Variants in YY1 observed in about 807,000 individuals in gnomAD.
YY1 encodes the protein transcriptional repressor protein YY1.
Under a neutral mutation model 35.6 loss-of-function variants are expected in YY1, and 2 were observed. The observed-to-expected ratio is 0.06, with a 90% CI of 0.02 to 0.18. The LOEUF is 0.18. Among genes scored for constraint, YY1 ranks in the 10% least tolerant of loss-of-function variants. The pLI, the probability that YY1 is intolerant of heterozygous loss-of-function variation, is 1.00. For missense variants in YY1, 322 were observed against 573.4 expected (o/e 0.56, Z 4.48); for synonymous variants, 268 against 238.9 (o/e 1.12, Z -1.12).
At chr14:100,261,334 A>G (rs978411377) in intron 1 of YY1, among the ~76,000 whole-genome samples, 3 of 151,950 alleles carry the variant, frequency 2.0e-5, no homozygotes, top group African/African-American at 7.3e-5. Flanking sequence ...TATTACAGGC[A>G]TGCACCACCA....
chr14:100,241,584 G>T (rs947842841), intron 1 of YY1, among the ~76,000 whole-genome samples: 1 of 152,190 alleles, frequency 6.6e-6, no homozygotes, highest in Non-Finnish European at 1.5e-5. Context: ...ATGTTTAAAT[G>T]AAACATGAAT....
intron 1 of YY1, among the ~76,000 whole-genome samples, chr14:100,253,965 G>A (rs1344193970): frequency 6.6e-6 from 1 of 152,034 alleles, no homozygotes; most frequent in Non-Finnish European, 1.5e-5. Context: ...CAGTAGCTGA[G>A]ATTACAGGTG....
intron 1 of YY1, 51 bp from the exon 2 acceptor site, chr14:100,262,253 G>T: frequency 6.2e-7 from 1 of 1,604,724 alleles, no homozygotes; most frequent in Non-Finnish European, 8.5e-7. Flanking sequence ...AGTTTTTGTA[G>T]TTTTTAAAAT....
chr14:100,262,162 C>T, intron 1 of YY1, 142 bp from the exon 2 acceptor site: 1 of 612,172 alleles, frequency 1.6e-6, no homozygotes, highest in South Asian at 2.8e-5. Context: ...GACCGTTCTC[C>T]AAAAAAAAAA....
At chr14:100,243,697 A>G (rs1890784738) in intron 1 of YY1, among the ~76,000 whole-genome samples, 1 of 151,854 alleles carries the variant, frequency 6.6e-6, no homozygotes, top group Admixed American at 6.6e-5. Context: ...ACTCTCAGCT[A>G]CTTGGTAGAT....
chr14:100,279,935 C>T lies in YY1; in HGVS notation c.*2335C>T, dbSNP rs1891389200. The stretch of plus-strand genomic sequence containing the variant: ...GGATGAAGTCCCTCTTCCTCTGTGC[C>T]TTGATCCCTTGGGGGTGCCTTTGGT... On this transcript the variant is annotated 3_prime_UTR_variant, in exon 5 of 5. Coordinates refer to ENST00000262238, the MANE Select transcript of YY1 (RefSeq NM_003403.5). 1 of 152,346 alleles carries T rather than the reference C, an allele frequency of 6.6e-6. No individual in the cohort carries two copies. Among genetic ancestry groups the T allele is most frequent in the African/African-American group, 2.4e-5 (1 of 41,458 alleles). The allele number at this position is 152,346 out of a possible 1,614,324, so 9.4% of individuals were successfully genotyped here. A position where few individuals can be genotyped will look rare whatever the true frequency, so the allele number is the denominator to read the frequency against.
intron 2 of YY1, among the ~76,000 whole-genome samples, chr14:100,273,770 T>A (rs748554030): frequency 6.6e-6 from 1 of 152,168 alleles, no homozygotes; most frequent in African/African-American, 2.4e-5. Flanking sequence ...ATTCTCTAGT[T>A]TTTTTAGGAA....
At chr14:100,249,524 C>T (rs1355144979) in intron 1 of YY1, among the ~76,000 whole-genome samples, 1 of 152,136 alleles carries the variant, frequency 6.6e-6, no homozygotes, top group African/African-American at 2.4e-5. Context: ...CAGGACCTGT[C>T]TTTTCAGGAG....
rs1279993078 is a variant in YY1 at position 100,276,389 on chromosome 14, G to A, written c.904-101G>A. Reference sequence around the variant, plus strand: ...AGTAAAATTAAAATGGGGGGTTGGGGAGGTGGTTTTGTTTTAATATGTCAG... The same window carrying A: ...AGTAAAATTAAAATGGGGGGTTGGGAAGGTGGTTTTGTTTTAATATGTCAG... On this transcript the variant is annotated intron_variant, in intron 3 of 4. Transcript: ENST00000262238. This position sits in a 1 kb window ranked among gnomAD's most constrained non-coding sequence, Gnocchi z 4.1. The A allele has an allele frequency of 6.6e-7, 1 of 1,503,906 alleles. No individual in the cohort carries two copies. Among genetic ancestry groups the A allele is most frequent in the East Asian group, 2.3e-5 (1 of 44,250 alleles). The allele number at this position is 1,503,906 out of a possible 1,614,324, so 93.2% of individuals were successfully genotyped here.
At chr14:100,270,022 C>T (rs183383801) in intron 2 of YY1, among the ~76,000 whole-genome samples, 3 of 151,184 alleles carry the variant, frequency 2.0e-5, no homozygotes, top group East Asian at 2.0e-4. Context: ...CAGCACTTTG[C>T]GAGGCTGAGG....
rs770801130 is a variant in YY1 at position 100,277,628 on chromosome 14, A to G, written c.*28A>G. 4.4e-6 allele frequency: 7 copies of G among 1,608,772 alleles called. No individual in the cohort carries two copies. Among genetic ancestry groups the G allele is most frequent in the Non-Finnish European group, 6.0e-6 (7 of 1,175,592 alleles). On this transcript the variant is annotated 3_prime_UTR_variant, in exon 5 of 5. Transcript: ENST00000262238. The surrounding 1 kb of genome is among the most constrained non-coding windows in gnomAD (Gnocchi z 5.6). Reference sequence around the variant, plus strand: ...AGAAGAGAGAAGACCCTTCTCGACCACGGGAAGCATCTTCCAGAAGTGTGA... The same window carrying G: ...AGAAGAGAGAAGACCCTTCTCGACCGCGGGAAGCATCTTCCAGAAGTGTGA...
intron 1 of YY1, among the ~76,000 whole-genome samples, chr14:100,245,813 G>T (rs1566769276): frequency 1.3e-5 from 2 of 151,856 alleles, no homozygotes; most frequent in African/African-American, 2.4e-5. Context: ...CTCCATGTTG[G>T]CCAGGCTGGT....
intron 1 of YY1, among the ~76,000 whole-genome samples, chr14:100,241,129 T>C (rs1890733947): frequency 6.6e-6 from 1 of 152,244 alleles, no homozygotes; most frequent in South Asian, 2.1e-4. Flanking sequence ...CCTATTAGTA[T>C]ATTCATATGC....
At chr14:100,273,187 A>G (rs1305146559) in intron 2 of YY1, among the ~76,000 whole-genome samples, 2 of 150,644 alleles carry the variant, frequency 1.3e-5, no homozygotes, top group Admixed American at 1.3e-4. Flanking sequence ...ATAGTGTCAA[A>G]CTCCTGGCCT....
At position 100,281,337 on chromosome 14, in the gene YY1, T is replaced by C. The variant is rs1891426721; in HGVS notation, c.*3737T>C. On this transcript the variant is annotated 3_prime_UTR_variant, in exon 5 of 5. Coordinates refer to ENST00000262238, the MANE Select transcript of YY1 (RefSeq NM_003403.5). The stretch of plus-strand genomic sequence containing the variant: ...GCCAAGCTGCTCACAGACACCCACT[T>C]GATGCCACAGCCATGCCATGAGGCT... 6.6e-6 allele frequency: 1 copy of C among 152,182 alleles called. No homozygotes were observed. The highest frequency in any genetic ancestry group is 1.5e-5 in the Non-Finnish European group (1 of 68,064). The allele number at this position is 152,182 out of a possible 1,614,324, so 9.4% of individuals were successfully genotyped here.
intron 1 of YY1, among the ~76,000 whole-genome samples, chr14:100,245,616 G>T (rs182889832): frequency 0.022 from 3,290 of 151,524 alleles, 58 homozygotes; most frequent in Non-Finnish European, 0.03. Context: ...GGTTTTTTGG[G>T]TTTTTTTTGA....
chr14:100,239,826 C>T lies in YY1; in HGVS notation c.582C>T (p.Gly194=), dbSNP rs878858541. ...SYLSGGAGAA[G]GGGADPGNKK... ...TCAGCGGCGGGGCCGGCGCGGCGGG[C>T]GGCGGCGGCGCCGACCCGGGCAACA... is the stretch of plus-strand genomic sequence containing the variant. The change falls in exon 1 of 5, where the codon GGC becomes GGT. Residue 194 remains glycine, a synonymous_variant. Coordinates refer to ENST00000262238, the MANE Select transcript of YY1 (RefSeq NM_003403.5). 3 of 1,471,948 alleles carry T rather than the reference C, an allele frequency of 2.0e-6. No homozygotes were observed. Among genetic ancestry groups the T allele is most frequent in the East Asian group, 2.6e-5 (1 of 38,096 alleles). The allele number at this position is 1,471,948 out of a possible 1,614,324, so 91.2% of individuals were successfully genotyped here. A position where few individuals can be genotyped will look rare whatever the true frequency, so the allele number is the denominator to read the frequency against.
intron 1 of YY1, among the ~76,000 whole-genome samples, chr14:100,247,643 T>TGTTAGAA (rs1328003633): frequency 6.6e-6 from 1 of 152,158 alleles, no homozygotes; most frequent in Non-Finnish European, 1.5e-5. Context: ...CCAAGGGAGA[T>TGTTAGAA]GTTAGAAGTT....
At chr14:100,275,872 G>A (rs1229560573) in intron 3 of YY1, 1 of 159,670 alleles carries the variant, frequency 6.3e-6, no homozygotes. Context: ...TGCCTTTCCC[G>A]CCCTGCACTG....
Sources: allele counts gnomAD v4.1 joint callset (sites outside exome capture counted in the v4.1 genomes callset), GRCh38; gene constraint gnomAD v4.1.1; non-coding constraint Gnocchi (gnomAD v3.1); transcripts MANE v1.5; gene names NCBI Gene and HGNC (gene_info 2026-07-23, HGNC 2026-07-21).